Variants in ST13 observed in about 807,000 individuals in gnomAD.
ST13 encodes hsc70-interacting protein.
Under a neutral mutation model 56.7 loss-of-function variants are expected in ST13, and 23 were observed. That is an observed-to-expected ratio of 0.41 (90% CI 0.29 to 0.57). ST13 has a LOEUF of 0.57. Among genes scored for constraint, ST13 ranks in the 20% least tolerant of loss-of-function variants. The probability of loss-of-function intolerance (pLI) is 0.36; values close to 1 mark genes in which losing one functional copy is unlikely to be tolerated. For missense variants in ST13, 369 were observed against 459.9 expected (o/e 0.80, Z 1.81); for synonymous variants, 132 against 142.4 (o/e 0.93, Z 0.52).
At chr22:40,853,671 T>G (rs1305376051) in intron 1 of ST13, among the ~76,000 whole-genome samples, 1 of 152,230 alleles carries the variant, frequency 6.6e-6, no homozygotes, top group African/African-American at 2.4e-5. Context: ...TGTACACATG[T>G]ACAAAAAATT....
At chr22:40,849,579 G>C (rs1022509532) in intron 2 of ST13, among the ~76,000 whole-genome samples, 1 of 149,800 alleles carries the variant, frequency 6.7e-6, no homozygotes, top group Non-Finnish European at 1.5e-5. Flanking sequence ...AGGTATTCTA[G>C]AATATATTGA....
chr22:40,838,097 A>C (rs1001873484), intron 5 of ST13, among the ~76,000 whole-genome samples: 1 of 152,222 alleles, frequency 6.6e-6, no homozygotes, highest in Admixed American at 6.5e-5. Flanking sequence ...GAATTATTTT[A>C]ATCTCTGCAG....
At chr22:40,856,049 G>A (rs1042329095) in intron 1 of ST13, among the ~76,000 whole-genome samples, 10 of 152,094 alleles carry the variant, frequency 6.6e-5, no homozygotes, top group Admixed American at 3.9e-4. Flanking sequence ...GTGCGTAAAG[G>A]AACTGCTATG....
At chr22:40,851,718 G>C (rs141021451) in intron 1 of ST13, among the ~76,000 whole-genome samples, 1 of 151,072 alleles carries the variant, frequency 6.6e-6, no homozygotes, top group Non-Finnish European at 1.5e-5. Context: ...AAAACAAGGG[G>C]ATATATTAAC....
At chr22:40,828,945 C>CATTAGCAG (rs1170155656) in intron 10 of ST13, among the ~76,000 whole-genome samples, 1 of 152,168 alleles carries the variant, frequency 6.6e-6, no homozygotes, top group East Asian at 1.9e-4. Flanking sequence ...ACTAGCCCAA[C>CATTAGCAG]ATTAGCAGTC....
chr22:40,830,455 T>C (rs2057748816), intron 9 of ST13, among the ~76,000 whole-genome samples: 1 of 152,170 alleles, frequency 6.6e-6, no homozygotes, highest in African/African-American at 2.4e-5. Flanking sequence ...CACCTTGCCC[T>C]GCTAGAATCA....
At chr22:40,852,039 G>A (rs986165716) in intron 1 of ST13, among the ~76,000 whole-genome samples, 5 of 152,120 alleles carry the variant, frequency 3.3e-5, no homozygotes, top group Admixed American at 2.0e-4. Context: ...CACTGCGCCC[G>A]GCCTGATTCT....
At chr22:40,842,472 A>G (rs149596048) in intron 4 of ST13, among the ~76,000 whole-genome samples, 85 of 152,374 alleles carry the variant, frequency 5.6e-4, no homozygotes, top group African/African-American at 1.9e-3. Context: ...TAGACTTCAA[A>G]AAGATTTGAA....
At chr22:40,842,031 T>C (rs2057807093) in intron 4 of ST13, among the ~76,000 whole-genome samples, 1 of 152,244 alleles carries the variant, frequency 6.6e-6, no homozygotes. Context: ...CATAATGGTA[T>C]AAACCTGTCC....
intron 3 of ST13, among the ~76,000 whole-genome samples, chr22:40,845,169 T>C (rs1033559261): frequency 3.3e-5 from 5 of 152,208 alleles, no homozygotes; most frequent in African/African-American, 7.2e-5. Context: ...TACACATAAA[T>C]ACACCACTGA....
chr22:40,836,189 G>A (rs967621898), intron 5 of ST13, among the ~76,000 whole-genome samples: 1 of 152,190 alleles, frequency 6.6e-6, no homozygotes, highest in African/African-American at 2.4e-5. Context: ...GGTGGCTCAC[G>A]CCTGTAATCC....
intron 10 of ST13, among the ~76,000 whole-genome samples, chr22:40,828,148 C>G (rs1035321117): frequency 6.6e-6 from 1 of 152,124 alleles, no homozygotes; most frequent in African/African-American, 2.4e-5. Context: ...GGATTTTTAA[C>G]AAGAATTCCT....
At chr22:40,845,419 C>T (rs986786567) in intron 3 of ST13, among the ~76,000 whole-genome samples, 2 of 152,082 alleles carry the variant, frequency 1.3e-5, no homozygotes, top group African/African-American at 4.8e-5. Flanking sequence ...CCCACCTCGG[C>T]CTCCCAAAGC....
chr22:40,829,816 C>G (rs780593311), intron 9 of ST13, 142 bp from the exon 10 acceptor site: 1 of 407,726 alleles, frequency 2.5e-6, no homozygotes, highest in East Asian at 3.8e-5. Context: ...CTTCATACCC[C>G]CTTCAAACAT....
At chr22:40,834,503 G>C (rs1372954461) in intron 7 of ST13, among the ~76,000 whole-genome samples, 1 of 152,082 alleles carries the variant, frequency 6.6e-6, no homozygotes, top group Non-Finnish European at 1.5e-5. Flanking sequence ...CATTTTAATA[G>C]AAAATATCAG....
chr22:40,844,798 C>T (rs756807391), intron 4 of ST13, 41 bp downstream of exon 4: 1 of 1,528,046 alleles, frequency 6.5e-7, no homozygotes, highest in South Asian at 1.1e-5. Context: ...GGACCTTTCA[C>T]ATTTCTTAGA....
intron 7 of ST13, 89 bp downstream of exon 7, chr22:40,835,471 A>T: frequency 1.8e-6 from 2 of 1,124,008 alleles, no homozygotes; most frequent in Non-Finnish European, 2.7e-6. Context: ...AGTCATTAGG[A>T]ACTTTTGTGT....
chr22:40,829,739 TCCATGCAAGA>T, intron 9 of ST13, 65 bp from the exon 10 acceptor site: 1 of 861,418 alleles, frequency 1.2e-6, no homozygotes, highest in Non-Finnish European at 1.7e-6. Flanking sequence ...ATGCAACCTG[TCCATGCAAGA>T]CCATGAAAAA....
intron 4 of ST13, among the ~76,000 whole-genome samples, chr22:40,841,548 C>T (rs1049948064): frequency 3.3e-5 from 5 of 151,440 alleles, no homozygotes; most frequent in Non-Finnish European, 2.9e-5. Context: ...CCAACCTGGG[C>T]AATATGGCGA....
Sources: gnomAD v4.1 joint callset for allele counts (sites outside exome capture counted in the v4.1 genomes callset) on GRCh38, gnomAD v4.1.1 for gene constraint, MANE v1.5 for transcripts, NCBI Gene and HGNC (gene_info 2026-07-23, HGNC 2026-07-21) for gene names.